The following SGCD variants were observed in gnomAD, a reference collection of about 807,000 sequenced individuals.
The protein encoded by SGCD is delta-sarcoglycan.
In SGCD, 18 loss-of-function variants were observed where a neutral mutation model predicts 36.6. That is an observed-to-expected ratio of 0.49 (90% confidence interval 0.34 to 0.73). The LOEUF is 0.73. SGCD is among the 30% of genes least tolerant of loss of function. The pLI is 0.01. For missense variants in SGCD, 387 were observed against 346.7 expected, an observed-to-expected ratio of 1.12 and a Z score of -0.92; for synonymous variants, 133 against 130.6, an observed-to-expected ratio of 1.02 and a Z score of -0.12.
At chr5:156,722,975 G>T (rs886919553) in intron 7 of SGCD, among the ~76,000 whole-genome samples, 1 of 152,142 alleles carries the variant, frequency 6.6e-6, no homozygotes, top group African/African-American at 2.4e-5. Flanking sequence ...TAGGGTAAAA[G>T]CTTTTTGTAT....
At chr5:155,930,356 C>T (rs959433274) in intron 1 of SGCD, among the ~76,000 whole-genome samples, 1 of 152,142 alleles carries the variant, frequency 6.6e-6, no homozygotes, top group Admixed American at 6.5e-5. Flanking sequence ...ACAACTTCAA[C>T]AACTGAAGCA....
At chr5:156,185,368 C>T (rs1419636197) in intron 3 of SGCD, among the ~76,000 whole-genome samples, 3 of 151,862 alleles carry the variant, frequency 2.0e-5, no homozygotes, top group African/African-American at 4.8e-5. Flanking sequence ...GCGCCCGCCA[C>T]CATGCCCGGC....
intron 1 of SGCD, among the ~76,000 whole-genome samples, chr5:156,094,642 A>C (rs1761332633): frequency 6.6e-6 from 1 of 152,200 alleles, no homozygotes; most frequent in African/African-American, 2.4e-5. Flanking sequence ...TCTTGGGCTC[A>C]TAGCTGTAAG....
At chr5:156,038,246 A>G (rs1759546476) in intron 1 of SGCD, among the ~76,000 whole-genome samples, 1 of 152,190 alleles carries the variant, frequency 6.6e-6, no homozygotes, top group Non-Finnish European at 1.5e-5. Flanking sequence ...GACATTCTAC[A>G]AAATACCTCA....
chr5:155,989,278 ATATGTTTTATGTATAGAATTT>A (rs1758388342), intron 1 of SGCD, among the ~76,000 whole-genome samples: 1 of 152,188 alleles, frequency 6.6e-6, no homozygotes, highest in South Asian at 2.1e-4. Flanking sequence ...GACAATATGT[ATATGTTTTATGTATAGAATTT>A]TATTTATGGA....
intron 1 of SGCD, among the ~76,000 whole-genome samples, chr5:155,912,914 C>T (rs896669238): frequency 6.6e-6 from 1 of 152,044 alleles, no homozygotes; most frequent in Non-Finnish European, 1.5e-5. Context: ...TCCTTTCATT[C>T]TTGGCATTTA....
chr5:156,137,361 A>G (rs1762484168), intron 3 of SGCD, among the ~76,000 whole-genome samples: 1 of 152,234 alleles, frequency 6.6e-6, no homozygotes, highest in African/African-American at 2.4e-5. Context: ...TATTGTGCAC[A>G]TTTAACTTAT....
chr5:156,496,010 G>T (rs1756169286), intron 3 of SGCD, among the ~76,000 whole-genome samples: 1 of 152,052 alleles, frequency 6.6e-6, no homozygotes, highest in Admixed American at 6.6e-5. Flanking sequence ...GTTTTTCCAA[G>T]AATTTCTTTA....
chr5:156,498,958 G>GTGTGTGTGTGTGTATGTGTA, intron 3 of SGCD, among the ~76,000 whole-genome samples: 1 of 150,930 alleles, frequency 6.6e-6, no homozygotes, highest in South Asian at 2.1e-4. Flanking sequence ...GTGTGTGTGT[G>GTGTGTGTGTGTGTATGTGTA]TGTGTATGTG....
At chr5:156,458,060 G>A (rs977022781) in intron 3 of SGCD, among the ~76,000 whole-genome samples, 5 of 152,150 alleles carry the variant, frequency 3.3e-5, no homozygotes, top group African/African-American at 1.2e-4. Context: ...ACAAGGAAAG[G>A]AAGAGCCTGT....
rs797022686 is a variant in SGCD, at chr5:156,472,329, A to G, written c.193-36272A>G. Among the ~76,000 whole-genome samples, 3 of 152,344 alleles carry G rather than the reference A, an allele frequency of 2.0e-5. 1 individual carries two copies. The highest frequency in any genetic ancestry group is 7.2e-5 in the African/African-American group (3 of 41,588). On this transcript the variant is annotated intron_variant, in intron 3 of 8. Coordinates refer to ENST00000337851, the MANE Select transcript of SGCD (RefSeq NM_000337.6). ...TCATAATAGCTGAAAAAATAGAAAT[A>G]AATATTCATCAACAGAAGAATGGAT...
chr5:156,622,432 AAAAAAT>A (rs1376632856), intron 6 of SGCD, among the ~76,000 whole-genome samples: 12 of 78,358 alleles, frequency 1.5e-4, no homozygotes, highest in South Asian at 4.6e-4. Context: ...GACTCTGTCT[AAAAAAT>A]AATAATAATA....
intron 3 of SGCD, among the ~76,000 whole-genome samples, chr5:156,498,380 A>G (rs1009240492): frequency 6.6e-6 from 1 of 152,076 alleles, no homozygotes; most frequent in Non-Finnish European, 1.5e-5. Flanking sequence ...TACCACCACA[A>G]TCTGATTTTA....
At chr5:155,796,163 G>T in the SGCD span, among the ~76,000 whole-genome samples, 4 of 152,130 alleles carry the variant, frequency 2.6e-5, no homozygotes, top group African/African-American at 7.2e-5. Context: ...TTTTCCAAGT[G>T]TGTACAAATC....
intron 3 of SGCD, among the ~76,000 whole-genome samples, chr5:156,389,033 C>T (rs1771426999): frequency 6.6e-6 from 1 of 152,168 alleles, no homozygotes; most frequent in Admixed American, 6.5e-5. Flanking sequence ...AAGGCTGACA[C>T]AGGACTTATA....
chr5:155,930,817 A>G (rs978494385), intron 1 of SGCD, among the ~76,000 whole-genome samples: 3 of 152,224 alleles, frequency 2.0e-5, no homozygotes, highest in Non-Finnish European at 4.4e-5. Flanking sequence ...AAGAACCACT[A>G]AAAACTTAAG....
chr5:156,499,357 G>C (rs1397313958), intron 3 of SGCD, among the ~76,000 whole-genome samples: 1 of 152,044 alleles, frequency 6.6e-6, no homozygotes, highest in Non-Finnish European at 1.5e-5. Context: ...TAGATATTTA[G>C]GTATAGGCAA....
chr5:156,512,423 G>A (rs536672294), intron 4 of SGCD, among the ~76,000 whole-genome samples: 111 of 152,128 alleles, frequency 7.3e-4, no homozygotes, highest in African/African-American at 2.6e-3. Context: ...TGCCATAAAG[G>A]TTTGTAGCCT....
At chr5:156,139,789 A>G (rs1015778280) in intron 3 of SGCD, among the ~76,000 whole-genome samples, 5 of 152,234 alleles carry the variant, frequency 3.3e-5, no homozygotes, top group African/African-American at 9.6e-5. Flanking sequence ...GGTTCGAAGG[A>G]TGATGCCTCC....
Sources: gnomAD v4.1 joint callset for allele counts (sites outside exome capture counted in the v4.1 genomes callset) on GRCh38, gnomAD v4.1.1 for gene constraint, MANE v1.5 for transcripts, NCBI Gene and HGNC (gene_info 2026-07-23, HGNC 2026-07-21) for gene names.